The following PYM1 variants were observed in gnomAD, a reference collection of about 807,000 sequenced individuals.
PYM1 encodes PYM1 exon junction complex associated factor, also known as partner of Y14 and mago.
A neutral mutation model predicts 20.7 loss-of-function variants in PYM1; 7 were observed. That is an observed-to-expected ratio of 0.34 (90% confidence interval 0.19 to 0.64). The LOEUF (loss-of-function observed/expected upper bound fraction) is 0.64, where lower values mean the gene tolerates loss of function less well. Ranked by LOEUF, PYM1 falls within the 30% of genes least tolerant of loss-of-function variation. The probability of loss-of-function intolerance (pLI) is 0.74; values close to 1 mark genes in which losing one functional copy is unlikely to be tolerated. For synonymous variants in PYM1, 100 were observed against 99.2 expected, an observed-to-expected ratio of 1.01 and a Z score of -0.05; for missense variants, 194 against 250.0, an observed-to-expected ratio of 0.78 and a Z score of 1.51.
intron 1 of PYM1, chr12:55,914,080 A>G (rs1250544249): frequency 4.8e-6 from 2 of 419,342 alleles, no homozygotes; most frequent in Non-Finnish European, 8.4e-6. Flanking sequence ...AATTCAGGCA[A>G]GTGTTTTACA....
At chr12:55,924,849 T>TA in intron 1 of PYM1, among the ~76,000 whole-genome samples, 1 of 152,112 alleles carries the variant, frequency 6.6e-6, no homozygotes, top group Non-Finnish European at 1.5e-5. Context: ...CACACTCAGC[T>TA]AATTTTAGTA....
At chr12:55,904,595 CAAAAAAAAAAAAAAAAAA>C (rs57817659) in intron 1 of PYM1, among the ~76,000 whole-genome samples, 1 of 66,946 alleles carries the variant, frequency 1.5e-5, no homozygotes. Context: ...GACTCCATCT[CAAAAAAAAAAAAAAAAAA>C]AAAAAAGAAA....
Position 55,904,213 on chromosome 12 carries a change from C to T in PYM1, c.38-733G>A, listed in dbSNP as rs1456658444. ...AACTCCTGACCTCAGGTGATCCGCC[C>T]GCCTCGGCCTCCCAAATTGCTGGGA... On this transcript the variant is annotated intron_variant, in intron 1 of 2. Coordinates refer to ENST00000408946, the MANE Select transcript of PYM1 (RefSeq NM_032345.3). 5.3e-5 allele frequency among the ~76,000 whole-genome samples: 8 copies of T among 151,804 alleles called. No individual in the cohort carries two copies. In the South Asian group the frequency reaches 1.5e-3, roughly 28 times the overall value.
chr12:55,927,677 G>T, intron 1 of PYM1, 48 bp downstream of exon 1: 1 of 1,536,652 alleles, frequency 6.5e-7, no homozygotes, highest in South Asian at 1.2e-5. Context: ...AACCACCAGA[G>T]ACCCGCGGGA....
chr12:55,918,854 C>T (rs1404536497), intron 1 of PYM1, among the ~76,000 whole-genome samples: 4 of 152,040 alleles, frequency 2.6e-5, no homozygotes, highest in African/African-American at 9.7e-5. Flanking sequence ...GGCGACAGAG[C>T]AAGCGTCCAT....
At chr12:55,923,852 C>A (rs1476929332) in intron 1 of PYM1, among the ~76,000 whole-genome samples, 2 of 151,928 alleles carry the variant, frequency 1.3e-5, no homozygotes, top group Non-Finnish European at 2.9e-5. Flanking sequence ...CCAAGGCTGG[C>A]AGATCACGAG....
intron 1 of PYM1, among the ~76,000 whole-genome samples, chr12:55,909,892 A>T (rs1378910785): frequency 2.0e-5 from 3 of 152,234 alleles, no homozygotes. Context: ...TATGAATATG[A>T]TAAGCATTAT....
chr12:55,924,485 T>TA (rs1244629507), intron 1 of PYM1, among the ~76,000 whole-genome samples: 4 of 151,760 alleles, frequency 2.6e-5, no homozygotes, highest in Non-Finnish European at 4.4e-5. Flanking sequence ...GCTTCATTTT[T>TA]AAAAAAAGAA....
intron 1 of PYM1, among the ~76,000 whole-genome samples, chr12:55,920,631 C>T (rs865861336): frequency 5.6e-5 from 8 of 144,116 alleles, no homozygotes; most frequent in Admixed American, 2.8e-4. Context: ...AGCGAGACTC[C>T]GTCTCAAAAA....
intron 1 of PYM1, 124 bp downstream of exon 1, chr12:55,927,601 C>G (rs1175908422): frequency 7.8e-7 from 1 of 1,276,020 alleles, no homozygotes; most frequent in Non-Finnish European, 1.1e-6. Context: ...GGTTGGAGAC[C>G]CTATCTAACC....
intron 1 of PYM1, chr12:55,926,928 C>A: frequency 1.2e-6 from 1 of 842,174 alleles, no homozygotes; most frequent in Non-Finnish European, 1.8e-6. Flanking sequence ...GCAGGAGACA[C>A]CCCGTAGGAG....
intron 1 of PYM1, among the ~76,000 whole-genome samples, chr12:55,926,131 G>C (rs968647532): frequency 7.9e-5 from 12 of 152,150 alleles, no homozygotes; most frequent in African/African-American, 2.9e-4. Context: ...ACATATGAGG[G>C]CTACAAAAAC....
At position 55,917,865 on chromosome 12, in the gene PYM1, CAGG is replaced by C. The variant is rs534412556; in HGVS notation, c.37+9857_37+9859del. On this transcript the variant is annotated intron_variant, in intron 1 of 2. Coordinates refer to ENST00000408946, the MANE Select transcript of PYM1 (RefSeq NM_032345.3). ...ATCCCAGCTACTTGGGATGCTGAGG[CAGG>C]AGAATCACTTCAACCCGGGAGATAG... Among the ~76,000 whole-genome samples the C allele has an allele frequency of 1.7e-3, 255 of 152,022 alleles. 3 individuals are homozygous for C. Among genetic ancestry groups the C allele is most frequent in the African/African-American group, 6.0e-3 (250 of 41,484 alleles).
At chr12:55,911,194 C>T (rs1353377779) in intron 1 of PYM1, among the ~76,000 whole-genome samples, 1 of 152,064 alleles carries the variant, frequency 6.6e-6, no homozygotes, top group African/African-American at 2.4e-5. Flanking sequence ...CTGCAACCTC[C>T]GCCTCCCAGG....
chr12:55,905,844 T>A (rs1222648157), intron 1 of PYM1, among the ~76,000 whole-genome samples: 1 of 120,310 alleles, frequency 8.3e-6, no homozygotes, highest in Non-Finnish European at 1.7e-5. Flanking sequence ...ATATTAGATA[T>A]ATATATTATA....
intron 1 of PYM1, among the ~76,000 whole-genome samples, chr12:55,918,890 T>C (rs977093181): frequency 2.0e-5 from 3 of 152,080 alleles, no homozygotes; most frequent in African/African-American, 2.4e-5. Flanking sequence ...ATAAAAAAGG[T>C]AGTCCTATCA....
chr12:55,903,439 G>A lies in PYM1; in HGVS notation c.79C>T (p.Arg27Cys), dbSNP rs887433411. Residue 27 changes from arginine (R) to cysteine (C), a missense_variant, in exon 2 of 3, where the codon CGC (arginine) becomes TGC (cysteine). This residue lies in a region of PYM1 where 17 missense variants were observed against 53.1 expected (regional missense o/e 0.32). Coordinates refer to ENST00000408946, the MANE Select transcript of PYM1 (RefSeq NM_032345.3). The stretch of plus-strand genomic sequence containing the variant: ...CCTTCTTTCACCCTCCGCTGCTTGC[G>A]CCAGGTCCCGTCAGGTCGCTGTGTT... ...ASTQRPDGTW[R>C]KQRRVKEGYV... 4 of 1,613,998 alleles carry A rather than the reference G, an allele frequency of 2.5e-6. No homozygotes were observed. The highest frequency in any genetic ancestry group is 2.5e-6 in the Non-Finnish European group (3 of 1,180,020).
Position 55,927,736 on chromosome 12 carries a change from G to A in PYM1, c.26C>T (p.Ala9Val), listed in dbSNP as rs958082954. 137 of 1,539,924 alleles carry A rather than the reference G, an allele frequency of 8.9e-5. No individual in the cohort carries two copies. Among genetic ancestry groups the A allele is most frequent in the Middle Eastern group, 4.5e-4 (2 of 4,454 alleles). ...CGCGGGTCGGTCACCTGTCTCCGTA[G>A]CCGCAGGGCTGCCGGCAGCTTCCAT... Reference protein sequence around the residue: MEAAGSPAATETGKYIAST... With the variant: MEAAGSPAVTETGKYIAST... The change falls in exon 1 of 3, where the codon GCT becomes GTT. Residue 9 changes from alanine (A) to valine (V), a missense_variant. Ala to Val is a moderately conservative substitution (Grantham distance 64, BLOSUM62 0). Coordinates refer to ENST00000408946, the MANE Select transcript of PYM1 (RefSeq NM_032345.3).
intron 1 of PYM1, among the ~76,000 whole-genome samples, chr12:55,912,210 G>A (rs1009452753): frequency 2.0e-5 from 3 of 151,642 alleles, no homozygotes; most frequent in Non-Finnish European, 4.4e-5. Context: ...AAATTAGCTG[G>A]GCATGGTGGT....
Sources: allele counts gnomAD v4.1 joint callset (sites outside exome capture counted in the v4.1 genomes callset), GRCh38; gene constraint gnomAD v4.1.1; regional missense constraint gnomAD v4.1.1; transcripts MANE v1.5; gene names NCBI Gene and HGNC (gene_info 2026-07-23, HGNC 2026-07-21).